Variants in TTC27 observed in about 807,000 individuals in gnomAD.
TTC27 encodes the protein tetratricopeptide repeat domain 27.
A neutral mutation model predicts 115.9 loss-of-function variants in TTC27; 79 were observed. That is an observed-to-expected ratio of 0.68 (90% CI 0.57 to 0.82). The LOEUF (loss-of-function observed/expected upper bound fraction) is 0.82. Among genes scored for constraint, TTC27 ranks in the 40% least tolerant of loss-of-function variants. The pLI, the probability that TTC27 is intolerant of heterozygous loss-of-function variation, is 0.00. For missense variants in TTC27, 1,054 were observed against 993.1 expected, an observed-to-expected ratio of 1.06 and a Z score of -0.82; for synonymous variants, 401 against 356.0, an observed-to-expected ratio of 1.13 and a Z score of -1.42.
chr2:32,646,242 A>G (rs1664854256), intron 4 of TTC27, among the ~76,000 whole-genome samples: 1 of 147,422 alleles, frequency 6.8e-6, no homozygotes, highest in South Asian at 2.2e-4. Context: ...GTTAGCCCAG[A>G]TGGTCTCGAT....
chr2:32,734,180 G>A (rs1414929969), intron 11 of TTC27, among the ~76,000 whole-genome samples: 1 of 152,078 alleles, frequency 6.6e-6, no homozygotes, highest in Admixed American at 6.6e-5. Flanking sequence ...AATCATAAAT[G>A]CTTGCATTTT....
chr2:32,696,497 T>C (rs13028595), intron 9 of TTC27, among the ~76,000 whole-genome samples: 20,338 of 151,834 alleles, frequency 0.13, 1,723 homozygotes, highest in Middle Eastern at 0.28. Context: ...TTTTACCATG[T>C]TGCCCAGGCT....
chr2:32,689,515 T>C (rs2151894230), intron 9 of TTC27, among the ~76,000 whole-genome samples: 1 of 152,234 alleles, frequency 6.6e-6, no homozygotes, highest in South Asian at 2.1e-4. Flanking sequence ...TTGCTTAGTG[T>C]TCACATTCGT....
chr2:32,787,075 G>A lies in TTC27; in HGVS notation c.1924G>A (p.Val642Ile), dbSNP rs144557313. 5.4e-4 allele frequency: 866 copies of A among 1,613,950 alleles called. 2 individuals carry two copies. Among genetic ancestry groups the A allele is most frequent in the Non-Finnish European group, 6.6e-4 (783 of 1,180,006 alleles). Residue 642 changes from valine (V) to isoleucine (I), a missense_variant, in exon 16 of 20, where the codon GTT (valine) becomes ATT (isoleucine). Coordinates refer to ENST00000317907, the MANE Select transcript of TTC27 (RefSeq NM_017735.5). ...AAACTACATCCTCACCAGCACTGACGTTGGGGAATTTTCAGAAGCCATTAA... is the reference window on the plus strand; with the variant it reads ...AAACTACATCCTCACCAGCACTGACATTGGGGAATTTTCAGAAGCCATTAA... Reference protein sequence around the residue: ...WENYILTSTDVGEFSEAIKAY... With the variant: ...WENYILTSTDIGEFSEAIKAY...
intron 12 of TTC27, among the ~76,000 whole-genome samples, chr2:32,739,233 T>C (rs373072819): frequency 6.6e-6 from 1 of 152,226 alleles, no homozygotes; most frequent in South Asian, 2.1e-4. Context: ...CTAGTCTTTT[T>C]ACACTGGCCA....
intron 5 of TTC27, among the ~76,000 whole-genome samples, chr2:32,655,843 C>T (rs1307316977): frequency 6.6e-6 from 1 of 151,904 alleles, no homozygotes; most frequent in Non-Finnish European, 1.5e-5. Flanking sequence ...CTAACTAGAG[C>T]TGTACTATTC....
intron 5 of TTC27, among the ~76,000 whole-genome samples, chr2:32,660,296 T>G (rs777452424): frequency 3.3e-5 from 5 of 152,310 alleles, no homozygotes; most frequent in Middle Eastern, 3.4e-3. Context: ...ATATGTTTAT[T>G]GGCTTCATAA....
In TTC27 at chr2:32,640,390, CAT is replaced by C. The variant is rs1251420539; in HGVS notation, c.519_520del (p.His173GlnfsTer24). On this transcript the variant is annotated frameshift_variant, in exon 4 of 20. Coordinates refer to ENST00000317907, the MANE Select transcript of TTC27 (RefSeq NM_017735.5). LOFTEE classifies it high-confidence loss of function. Reference sequence around the variant, plus strand: ...ACGCATTATCCTAGTGAATGTAAGACATAAACTGACAGCTATTCAGGTAAGGA... The same window carrying C: ...ACGCATTATCCTAGTGAATGTAAGACAAACTGACAGCTATTCAGGTAAGGA... ...LARIILVNVR[H>X]KLTAIQSLPW... 44 of 1,613,550 alleles carry C rather than the reference CAT, an allele frequency of 2.7e-5. No homozygotes were observed. Among genetic ancestry groups the C allele is most frequent in the Non-Finnish European group, 3.6e-5 (43 of 1,179,966 alleles).
intron 16 of TTC27, among the ~76,000 whole-genome samples, chr2:32,797,001 C>A (rs1670724408): frequency 6.6e-6 from 1 of 151,742 alleles, no homozygotes; most frequent in Non-Finnish European, 1.5e-5. Context: ...GGTGAAACCC[C>A]ATCTCTACAA....
At chr2:32,633,311 A>T (rs1456991904) in intron 2 of TTC27, among the ~76,000 whole-genome samples, 1 of 152,248 alleles carries the variant, frequency 6.6e-6, no homozygotes, top group African/African-American at 2.4e-5. Context: ...AAATATGGAA[A>T]GTATGACTAA....
chr2:32,630,477 A>G, intron 1 of TTC27, 46 bp from the exon 2 acceptor site: 1 of 1,481,516 alleles, frequency 6.7e-7, no homozygotes, highest in Non-Finnish European at 9.1e-7. Flanking sequence ...TTACGGTATG[A>G]AAAATAATTT....
At chr2:32,679,969 G>A (rs1448410897) in intron 9 of TTC27, among the ~76,000 whole-genome samples, 1 of 152,152 alleles carries the variant, frequency 6.6e-6, no homozygotes, top group Non-Finnish European at 1.5e-5. Flanking sequence ...GTGACAGAGA[G>A]CAAGACTCCG....
At chr2:32,678,420 A>C (rs1165401829) in intron 8 of TTC27, among the ~76,000 whole-genome samples, 1 of 151,056 alleles carries the variant, frequency 6.6e-6, no homozygotes, top group Non-Finnish European at 1.5e-5. Context: ...TTTATTTTTT[A>C]ATTTTTTGTT....
intron 16 of TTC27, among the ~76,000 whole-genome samples, chr2:32,799,722 G>T (rs1408527198): frequency 6.6e-6 from 1 of 152,148 alleles, no homozygotes; most frequent in Non-Finnish European, 1.5e-5. Flanking sequence ...ATCTGCTGCA[G>T]GAATGAAATG....
At chr2:32,670,949 G>A (rs1299908679) in intron 7 of TTC27, among the ~76,000 whole-genome samples, 1 of 104,742 alleles carries the variant, frequency 9.5e-6, no homozygotes, top group African/African-American at 2.6e-5. Flanking sequence ...TGAGTTGTTT[G>A]TCTTCTTATT....
chr2:32,679,602 T>A (rs1239330368), intron 9 of TTC27, among the ~76,000 whole-genome samples: 1 of 152,206 alleles, frequency 6.6e-6, no homozygotes, highest in Non-Finnish European at 1.5e-5. Flanking sequence ...GGCATTTTCA[T>A]TATCTTAGTT....
chr2:32,642,122 G>A (rs1293200378), intron 4 of TTC27, among the ~76,000 whole-genome samples: 1 of 152,082 alleles, frequency 6.6e-6, no homozygotes, highest in Non-Finnish European at 1.5e-5. Flanking sequence ...CTCCCAAAGT[G>A]CTGGGATTAC....
rs1249958547 is a variant in TTC27, at chr2:32,683,872, T to C, written c.1119+4950T>C. Among the ~76,000 whole-genome samples the C allele has an allele frequency of 2.6e-5, 4 of 152,086 alleles. No individual in the cohort carries two copies. In the East Asian group the frequency reaches 7.7e-4, roughly 29 times the overall value. ...CAGTTTTCCTTGGCAAAAGTTTGTT[T>C]AGGCTGGGTGGGGTAGCTCATGCCT... is the stretch of plus-strand genomic sequence containing the variant. On this transcript the variant is annotated intron_variant, in intron 9 of 19. Coordinates refer to ENST00000317907, the MANE Select transcript of TTC27 (RefSeq NM_017735.5).
intron 15 of TTC27, among the ~76,000 whole-genome samples, chr2:32,783,692 A>G (rs1572610180): frequency 1.3e-5 from 2 of 152,254 alleles, no homozygotes; most frequent in Admixed American, 1.3e-4. Flanking sequence ...CAATTCAGGC[A>G]TGAGATAACT....
Sources: allele counts gnomAD v4.1 joint callset (sites outside exome capture counted in the v4.1 genomes callset), GRCh38; gene constraint gnomAD v4.1.1; transcripts MANE v1.5; gene names NCBI Gene and HGNC (gene_info 2026-07-23, HGNC 2026-07-21).